NCAM1: variants seen among roughly 807,000 people sequenced by gnomAD.
NCAM1 encodes the protein antigen recognized by monoclonal antibody 5.1H11.
A neutral mutation model predicts 109.8 loss-of-function variants in NCAM1; 14 were observed. The observed-to-expected ratio is 0.13, with a 90% CI of 0.08 to 0.20. NCAM1 has a LOEUF of 0.20. NCAM1 is among the 10% of genes least tolerant of loss of function. The pLI, the probability that NCAM1 is intolerant of heterozygous loss-of-function variation, is 1.00. For synonymous variants in NCAM1, 418 were observed against 442.9 expected (o/e 0.94, Z 0.70); for missense variants, 774 against 1,109.9 (o/e 0.70, Z 4.30).
chr11:113,148,368 T>TC (rs1180426437), intron 1 of NCAM1, among the ~76,000 whole-genome samples: 1 of 151,048 alleles, frequency 6.6e-6, no homozygotes, highest in Non-Finnish European at 1.5e-5. Context: ...AGCTTTTTTT[T>TC]TTTTTCCTTT....
chr11:113,197,806 A>G (rs1475687566), intron 1 of NCAM1, among the ~76,000 whole-genome samples: 1 of 152,228 alleles, frequency 6.6e-6, no homozygotes, highest in Non-Finnish European at 1.5e-5. Context: ...GATTCATGTG[A>G]ACTCTTTTTT....
In NCAM1 at chr11:112,961,967, A is replaced by C. The variant is rs150566749; in HGVS notation, c.52+303A>C. Among the ~76,000 whole-genome samples, 693 of 152,120 alleles carry C rather than the reference A, an allele frequency of 4.6e-3. 6 individuals are homozygous for C. The highest frequency in any genetic ancestry group is 0.015 in the African/African-American group (633 of 41,522). ...AGAGCCGGCCGGCTCCTGGGGACTC[A>C]GCGGCCGCGCTGGTGATGGGCAGCG... On this transcript the variant is annotated intron_variant, in intron 1 of 19. Coordinates refer to ENST00000316851, the MANE Select transcript of NCAM1 (RefSeq NM_181351.5).
At chr11:113,169,499 C>T (rs77257157) in intron 1 of NCAM1, among the ~76,000 whole-genome samples, 1,797 of 152,258 alleles carry the variant, frequency 0.012, 31 homozygotes, top group African/African-American at 0.041. Context: ...TATCACTTGT[C>T]ATCAATTCCC....
intron 1 of NCAM1, among the ~76,000 whole-genome samples, chr11:113,023,963 A>T (rs1443526805): frequency 6.6e-6 from 1 of 152,074 alleles, no homozygotes; most frequent in Non-Finnish European, 1.5e-5. Context: ...GTTTGCAACG[A>T]CTTCTTGGAT....
chr11:113,235,636 A>G (rs644668), intron 14 of NCAM1, among the ~76,000 whole-genome samples: 7,643 of 152,328 alleles, frequency 0.05, 388 homozygotes, highest in African/African-American at 0.13. Flanking sequence ...AAACTGCTAT[A>G]GAATATGTGA....
intron 1 of NCAM1, among the ~76,000 whole-genome samples, chr11:113,159,781 G>T (rs1942537857): frequency 1.3e-5 from 2 of 151,566 alleles, no homozygotes; most frequent in Admixed American, 1.3e-4. Flanking sequence ...ATGTATACGT[G>T]TGCCATGTTG....
intron 1 of NCAM1, among the ~76,000 whole-genome samples, chr11:113,156,250 G>T (rs898936679): frequency 1.1e-4 from 17 of 152,308 alleles, no homozygotes; most frequent in African/African-American, 4.1e-4. Context: ...TGAGAGGACA[G>T]AGGCTTGGGT....
At chr11:113,088,658 T>C (rs1195139802) in intron 1 of NCAM1, among the ~76,000 whole-genome samples, 1 of 152,210 alleles carries the variant, frequency 6.6e-6, no homozygotes, top group Non-Finnish European at 1.5e-5. Context: ...AGTGATATGA[T>C]GCGAGTAACA....
intron 1 of NCAM1, among the ~76,000 whole-genome samples, chr11:113,011,255 T>G (rs1555074341): frequency 1.1e-4 from 16 of 144,546 alleles, no homozygotes; most frequent in African/African-American, 3.1e-4. Context: ...GAATGATGAT[T>G]TCCAATTTCA....
chr11:113,219,783 T>G (rs1386446604), intron 8 of NCAM1, among the ~76,000 whole-genome samples: 1 of 152,246 alleles, frequency 6.6e-6, no homozygotes, highest in East Asian at 1.9e-4. Flanking sequence ...AAGAAAGATC[T>G]TGATTCCTGC....
intron 14 of NCAM1, chr11:113,240,550 C>T: frequency 9.3e-6 from 5 of 539,714 alleles, no homozygotes; most frequent in Non-Finnish European, 9.8e-6. Context: ...CTGGCCCAGA[C>T]TTTACCTGAA....
intron 1 of NCAM1, among the ~76,000 whole-genome samples, chr11:113,144,071 T>C (rs1555100945): frequency 6.6e-6 from 1 of 152,218 alleles, no homozygotes. Context: ...TGCGTGTTAC[T>C]GTGTAGCTGC....
chr11:113,139,451 C>A (rs1555100010), intron 1 of NCAM1, among the ~76,000 whole-genome samples: 6 of 151,844 alleles, frequency 4.0e-5, no homozygotes, highest in Non-Finnish European at 8.8e-5. Flanking sequence ...TTTCTCATAA[C>A]AAGCAGAAAT....
At chr11:113,018,093 A>T (rs1952263595) in intron 1 of NCAM1, among the ~76,000 whole-genome samples, 1 of 152,164 alleles carries the variant, frequency 6.6e-6, no homozygotes. Flanking sequence ...TACTTCTCTT[A>T]TGCTGTCCTG....
intron 1 of NCAM1, among the ~76,000 whole-genome samples, chr11:113,026,924 T>C (rs1376763452): frequency 6.6e-6 from 1 of 152,154 alleles, no homozygotes; most frequent in African/African-American, 2.4e-5. Context: ...CCCAGTTCCC[T>C]CTCTTCCAGG....
intron 12 of NCAM1, 23 bp downstream of exon 12, chr11:113,232,837 A>G: frequency 6.3e-7 from 1 of 1,586,258 alleles, no homozygotes. Flanking sequence ...TACTCACCTG[A>G]GAGCAGCTGC....
At chr11:113,090,723 G>T (rs1939305600) in intron 1 of NCAM1, among the ~76,000 whole-genome samples, 1 of 152,196 alleles carries the variant, frequency 6.6e-6, no homozygotes, top group Non-Finnish European at 1.5e-5. Flanking sequence ...GGGAAAAAAT[G>T]AGAACGTTTG....
intron 9 of NCAM1, among the ~76,000 whole-genome samples, chr11:113,224,855 G>C (rs781844014): frequency 7.3e-4 from 111 of 152,248 alleles, no homozygotes; most frequent in Non-Finnish European, 1.3e-3. Context: ...AACTCCGACA[G>C]ACCTGCAGCT....
At chr11:113,152,241 C>G (rs1171206000) in intron 1 of NCAM1, among the ~76,000 whole-genome samples, 2 of 152,222 alleles carry the variant, frequency 1.3e-5, no homozygotes, top group Non-Finnish European at 2.9e-5. Flanking sequence ...ATCACAGGCC[C>G]TGCCTTTGCA....
Sources: allele counts gnomAD v4.1 joint callset (sites outside exome capture counted in the v4.1 genomes callset), GRCh38; gene constraint gnomAD v4.1.1; transcripts MANE v1.5; gene names NCBI Gene and HGNC (gene_info 2026-07-23, HGNC 2026-07-21).